Variants in LRRTM4 observed in about 807,000 individuals in gnomAD.
LRRTM4 encodes the protein leucine rich repeat transmembrane neuronal 4, also known as leucine-rich repeat transmembrane neuronal protein 4.
In LRRTM4, 25 loss-of-function variants were observed where a neutral mutation model predicts 47.6. The observed-to-expected ratio is 0.53, with a 90% confidence interval of 0.38 to 0.73. The LOEUF is 0.73. LRRTM4 is among the 30% of genes least tolerant of loss of function. LRRTM4 has a pLI of 0.00. For synonymous variants in LRRTM4, 311 were observed against 269.5 expected, an observed-to-expected ratio of 1.15 and a Z score of -1.51; for missense variants, 638 against 713.4, an observed-to-expected ratio of 0.89 and a Z score of 1.20.
rs922408211 is a variant in LRRTM4, at chr2:77,519,668, T to G, written c.201A>C (p.Ser67=). ...ENISGGSQGL[S]LRFNSIQKLK... ...GCTTCTGAATGCTGTTGAACCTTAA[T>G]GATAAGCCTTGTGACCCTCCAGAAA... Residue 67 remains serine (S), a synonymous_variant, in exon 3 of 4, where the codon TCA becomes TCC. Transcript: ENST00000409884. This position sits in a 1 kb window ranked among gnomAD's most constrained non-coding sequence, Gnocchi z 4.6. 3 of 1,613,376 alleles carry G rather than the reference T, an allele frequency of 1.9e-6. No individual in the cohort carries two copies. Among genetic ancestry groups the G allele is most frequent in the Non-Finnish European group, 2.5e-6 (3 of 1,179,614 alleles).
At chr2:77,479,781 C>CTCTCTT (rs924440840) in intron 3 of LRRTM4, among the ~76,000 whole-genome samples, 17 of 151,716 alleles carry the variant, frequency 1.1e-4, no homozygotes, top group African/African-American at 4.1e-4. Flanking sequence ...CTCTCCATCT[C>CTCTCTT]TCTCTTTCTC....
intron 3 of LRRTM4, among the ~76,000 whole-genome samples, chr2:77,066,678 G>A (rs923298987): frequency 3.3e-5 from 5 of 152,310 alleles, no homozygotes; most frequent in Admixed American, 2.6e-4. Context: ...AAATCGTATA[G>A]AGATATGTAG....
At chr2:77,443,048 G>A (rs1401977965) in intron 3 of LRRTM4, among the ~76,000 whole-genome samples, 1 of 152,006 alleles carries the variant, frequency 6.6e-6, no homozygotes, top group Non-Finnish European at 1.5e-5. Flanking sequence ...AAATAGCAAC[G>A]TGCCCAAGAT....
chr2:77,433,228 G>A (rs1304625589), intron 3 of LRRTM4, among the ~76,000 whole-genome samples: 3 of 152,144 alleles, frequency 2.0e-5, no homozygotes, highest in Non-Finnish European at 4.4e-5. Flanking sequence ...TTGTTTGAAA[G>A]CTGCTGCCCT....
intron 3 of LRRTM4, 104 bp from the exon 4 acceptor site, chr2:76,749,020 GTCA>G: frequency 2.5e-6 from 2 of 813,586 alleles, no homozygotes; most frequent in Non-Finnish European, 4.0e-6. Flanking sequence ...GCTGTTTCAA[GTCA>G]TCAGCTACAA....
At chr2:76,758,694 G>A (rs1277512899) in intron 3 of LRRTM4, among the ~76,000 whole-genome samples, 1 of 152,174 alleles carries the variant, frequency 6.6e-6, no homozygotes, top group Non-Finnish European at 1.5e-5. Flanking sequence ...CCCTGCCATA[G>A]AGTGTATGCT....
At chr2:77,083,257 A>C (rs1423113858) in intron 3 of LRRTM4, among the ~76,000 whole-genome samples, 4 of 152,182 alleles carry the variant, frequency 2.6e-5, no homozygotes, top group African/African-American at 4.8e-5. Flanking sequence ...CTGATCAGCT[A>C]TTCCATGGTG....
intron 3 of LRRTM4, among the ~76,000 whole-genome samples, chr2:76,869,449 T>A (rs1672561471): frequency 6.6e-6 from 1 of 152,170 alleles, no homozygotes; most frequent in South Asian, 2.1e-4. Flanking sequence ...TGTCTTAAAC[T>A]GATAAATGCA....
chr2:77,182,115 T>C (rs946332065), intron 3 of LRRTM4, among the ~76,000 whole-genome samples: 4 of 152,130 alleles, frequency 2.6e-5, no homozygotes, highest in Admixed American at 2.6e-4. Flanking sequence ...TAAAGATACA[T>C]GCACACATAT....
chr2:77,348,791 A>AATAT (rs35472050), intron 3 of LRRTM4, among the ~76,000 whole-genome samples: 15 of 149,604 alleles, frequency 1.0e-4, no homozygotes, highest in Admixed American at 4.7e-4. Flanking sequence ...ATTAATACAA[A>AATAT]ATATATATAT....
intron 3 of LRRTM4, among the ~76,000 whole-genome samples, chr2:77,030,357 T>C (rs1256268182): frequency 6.6e-6 from 1 of 152,072 alleles, no homozygotes; most frequent in African/African-American, 2.4e-5. Context: ...TCGCTTGAAC[T>C]GGGAGGCGGA....
intron 3 of LRRTM4, among the ~76,000 whole-genome samples, chr2:77,377,195 A>G (rs1412934974): frequency 6.6e-6 from 1 of 151,750 alleles, no homozygotes; most frequent in Non-Finnish European, 1.5e-5. Flanking sequence ...ATTCCAGGCT[A>G]ATTTTGTTCA....
chr2:77,271,782 C>G (rs945360250), intron 3 of LRRTM4, among the ~76,000 whole-genome samples: 1 of 152,150 alleles, frequency 6.6e-6, no homozygotes, highest in Admixed American at 6.6e-5. Flanking sequence ...GGCCAAATTC[C>G]TTATCAGAAG....
chr2:77,318,000 CTTTTTTTTTTTTTTT>C (rs61212194), intron 3 of LRRTM4, among the ~76,000 whole-genome samples: 11 of 99,760 alleles, frequency 1.1e-4, no homozygotes, highest in Non-Finnish European at 1.8e-4. Flanking sequence ...ATTCCTAACA[CTTTTTTTTTTTTTTT>C]TTTTTTTTTT....
intron 3 of LRRTM4, among the ~76,000 whole-genome samples, chr2:77,211,097 G>A (rs1243038660): frequency 6.7e-6 from 1 of 148,824 alleles, no homozygotes; most frequent in Non-Finnish European, 1.5e-5. Context: ...AATTCAATAT[G>A]GGGAAATAGA....
chr2:76,811,754 A>G (rs1670740571), intron 3 of LRRTM4, among the ~76,000 whole-genome samples: 1 of 152,172 alleles, frequency 6.6e-6, no homozygotes, highest in Non-Finnish European at 1.5e-5. Flanking sequence ...GAACAAAGTC[A>G]TCTCATTTTT....
At chr2:77,425,659 G>T (rs2103892001) in intron 3 of LRRTM4, among the ~76,000 whole-genome samples, 1 of 152,066 alleles carries the variant, frequency 6.6e-6, no homozygotes, top group East Asian at 1.9e-4. Context: ...ATTTCTTAAG[G>T]CCAGATCTTA....
At chr2:77,278,858 T>A (rs576086996) in intron 3 of LRRTM4, among the ~76,000 whole-genome samples, 1 of 152,136 alleles carries the variant, frequency 6.6e-6, no homozygotes, top group African/African-American at 2.4e-5. Context: ...CCTTCACCAT[T>A]CATTACCTAC....
At chr2:76,962,132 T>A (rs1483391833) in intron 3 of LRRTM4, among the ~76,000 whole-genome samples, 1 of 151,292 alleles carries the variant, frequency 6.6e-6, no homozygotes, top group Admixed American at 6.6e-5. Flanking sequence ...TAGTAAACTA[T>A]ATGTTTAAGA....
Sources: allele counts gnomAD v4.1 joint callset (sites outside exome capture counted in the v4.1 genomes callset), GRCh38; gene constraint gnomAD v4.1.1; non-coding constraint Gnocchi (gnomAD v3.1); transcripts MANE v1.5; gene names NCBI Gene and HGNC (gene_info 2026-07-23, HGNC 2026-07-21).